The following PLA2G5 variants were observed in gnomAD, a reference collection of about 807,000 sequenced individuals.
PLA2G5 encodes the protein phospholipase A2 group V.
A neutral mutation model predicts 15.9 loss-of-function variants in PLA2G5; 12 were observed. That is an observed-to-expected ratio of 0.76 (90% confidence interval 0.48 to 1.23). The LOEUF (loss-of-function observed/expected upper bound fraction) is 1.23, where lower values mean the gene tolerates loss of function less well. Among genes scored for constraint, PLA2G5 ranks in the 50% most tolerant of loss-of-function variants. The pLI is 0.00. For synonymous variants in PLA2G5, 71 were observed against 71.4 expected (o/e 0.99, Z 0.03); for missense variants, 169 against 177.1 (o/e 0.95, Z 0.26).
chr1:20,087,951 C>T (rs1367495700), intron 3 of PLA2G5, among the ~76,000 whole-genome samples: 1 of 152,154 alleles, frequency 6.6e-6, no homozygotes, highest in Non-Finnish European at 1.5e-5. Flanking sequence ...AAAAGAAAAT[C>T]AGACAAATCC....
At chr1:20,079,643 G>A (rs2015897249) in intron 1 of PLA2G5, among the ~76,000 whole-genome samples, 3 of 152,152 alleles carry the variant, frequency 2.0e-5, no homozygotes, top group South Asian at 4.1e-4. Context: ...CCCAGGGTGA[G>A]CCATTGTGCC....
intron 2 of PLA2G5, among the ~76,000 whole-genome samples, chr1:20,061,025 G>A (rs943928670): frequency 6.6e-6 from 1 of 152,218 alleles, no homozygotes; most frequent in Admixed American, 6.5e-5. Flanking sequence ...CCTAGAGCAA[G>A]TCTTTTGTTG....
rs575798793 is a variant in PLA2G5 at position 20,083,766 on chromosome 1, C to T, written c.-10-1055C>T. On this transcript the variant is annotated intron_variant, in intron 1 of 4. Coordinates refer to ENST00000375108, the MANE Select transcript of PLA2G5 (RefSeq NM_000929.3). ...TGGTGCAGTGAGGGGTGCAGAAGGA[C>T]GCGGCTCGAATCCAGCCTCCACTGC... Among the ~76,000 whole-genome samples the T allele has an allele frequency of 6.6e-5, 10 of 151,802 alleles. No homozygotes were observed. In the South Asian group the frequency reaches 1.2e-3, roughly 19 times the overall value.
intron 1 of PLA2G5, among the ~76,000 whole-genome samples, chr1:20,053,575 G>GGGT (rs1553172800): frequency 7.0e-6 from 1 of 143,006 alleles, no homozygotes; most frequent in Non-Finnish European, 1.5e-5. Context: ...CTTTGCGGGG[G>GGGT]GGGGGGTGAT....
chr1:20,082,994 G>A (rs185550017), intron 1 of PLA2G5, among the ~76,000 whole-genome samples: 2 of 152,092 alleles, frequency 1.3e-5, no homozygotes, highest in East Asian at 1.9e-4. Context: ...GACAGACACC[G>A]GGCCTGCCAA....
upstream of PLA2G5, among the ~76,000 whole-genome samples, chr1:20,067,459 G>C (rs982755566): frequency 2.0e-5 from 3 of 151,120 alleles, no homozygotes; most frequent in Non-Finnish European, 4.4e-5. Flanking sequence ...AGGCCGAGGC[G>C]GGCAGCTTGC....
At chr1:20,029,180 G>A (rs1410745812) in intron 1 of PLA2G5, among the ~76,000 whole-genome samples, 1 of 152,172 alleles carries the variant, frequency 6.6e-6, no homozygotes, top group Non-Finnish European at 1.5e-5. Context: ...GTGGAAACCA[G>A]AAGGGAGATG....
At chr1:20,035,335 G>A (rs751659015) in intron 1 of PLA2G5, among the ~76,000 whole-genome samples, 1 of 152,138 alleles carries the variant, frequency 6.6e-6, no homozygotes, top group Non-Finnish European at 1.5e-5. Context: ...TGTTGATAAC[G>A]TGTTCCCAGG....
chr1:20,070,190 A>G, upstream of PLA2G5: 2 of 985,406 alleles, frequency 2.0e-6, no homozygotes, highest in Non-Finnish European at 2.4e-6. Context: ...GCCTCTGCAA[A>G]GGCAGTCGGG....
At position 20,049,682 on chromosome 1, in the gene PLA2G5, G is replaced by C. The variant is rs551843919; in HGVS notation, n.277-9950G>C. ...CTGCCATGTCCCTTTGCTCTTCCTT[G>C]GTCTTCTGCCATGATTGTGAGGCCT... On this transcript the variant is annotated intron_variant and non_coding_transcript_variant, in intron 1 of 6. Coordinates refer to the PLA2G5 transcript ENST00000460175. Among the ~76,000 whole-genome samples, 74 of 152,180 alleles carry C rather than the reference G, an allele frequency of 4.9e-4. 2 individuals are homozygous for C. Among genetic ancestry groups the C allele is most frequent in the Middle Eastern group, 3.4e-3 (1 of 294 alleles).
rs566820142 is a variant in PLA2G5, at chr1:20,042,708, C to A, written n.276+13999C>A. Among the ~76,000 whole-genome samples, 43 of 152,120 alleles carry A rather than the reference C, an allele frequency of 2.8e-4. 1 individual carries two copies. The highest frequency in any genetic ancestry group is 1.0e-3 in the African/African-American group (42 of 41,498). ...GGTATCCAAAGGTGAAAGTACCTGA[C>A]CATGCCTAGGAAGGAAAGCAGCTGT... is the stretch of plus-strand genomic sequence containing the variant. On this transcript the variant is annotated intron_variant and non_coding_transcript_variant, in intron 1 of 6. Coordinates refer to the PLA2G5 transcript ENST00000460175.
rs1411060589 is a variant in PLA2G5, at chr1:20,090,820, C to A, written c.*128C>A. ...GACCTCAGTCTTTCTCGAAGCTTGG[C>A]GGACCCCCAGGGCCACACTGTACCC... On this transcript the variant is annotated 3_prime_UTR_variant, in exon 5 of 5. Coordinates refer to ENST00000375108, the MANE Select transcript of PLA2G5 (RefSeq NM_000929.3). The A allele has an allele frequency of 3.0e-6, 3 of 995,326 alleles. No individual in the cohort carries two copies. The highest frequency in any genetic ancestry group is 4.6e-6 in the Non-Finnish European group (3 of 650,606). 61.7% of individuals were successfully genotyped at this position (995,326 alleles called of 1,614,324 possible).
At chr1:20,067,993 C>G (rs954164156), upstream of PLA2G5, among the ~76,000 whole-genome samples, 20 of 152,096 alleles carry the variant, frequency 1.3e-4, no homozygotes, top group African/African-American at 4.8e-4. Flanking sequence ...GTGACAGGCC[C>G]CCGTAATCCC....
intron 1 of PLA2G5, among the ~76,000 whole-genome samples, chr1:20,057,581 G>C (rs666059): frequency 0.49 from 74,902 of 151,828 alleles, 19,672 homozygotes; most frequent in African/African-American, 0.67. Flanking sequence ...TCACTGCAAC[G>C]TCCACCTCCT....
upstream of PLA2G5, among the ~76,000 whole-genome samples, chr1:20,069,527 G>A (rs1030497626): frequency 5.9e-5 from 9 of 152,058 alleles, no homozygotes; most frequent in African/African-American, 2.2e-4. Flanking sequence ...CAAAAAATTA[G>A]CCAGGCATGG....
intron 1 of PLA2G5, among the ~76,000 whole-genome samples, chr1:20,081,410 G>A (rs533840754): frequency 3.3e-5 from 5 of 151,692 alleles, no homozygotes; most frequent in African/African-American, 1.2e-4. Flanking sequence ...CCATTGAAAA[G>A]ATAGCTTGTT....
At chr1:20,032,402 A>G (rs1484913142) in intron 1 of PLA2G5, among the ~76,000 whole-genome samples, 1 of 151,898 alleles carries the variant, frequency 6.6e-6, no homozygotes, top group Non-Finnish European at 1.5e-5. Context: ...CATCCAGAGA[A>G]TGTATCTATT....
chr1:20,032,866 A>T (rs1417017519), intron 1 of PLA2G5, among the ~76,000 whole-genome samples: 1 of 152,132 alleles, frequency 6.6e-6, no homozygotes, highest in East Asian at 1.9e-4. Flanking sequence ...TTTGCTAAGA[A>T]GTTTTCATTG....
chr1:20,070,270 A>G lies in PLA2G5; in HGVS notation c.-206A>G. The G allele has an allele frequency of 1.0e-6, 1 of 985,464 alleles. No homozygotes were observed. The highest frequency in any genetic ancestry group is 1.2e-6 in the Non-Finnish European group (1 of 829,974). The allele number at this position is 985,464 out of a possible 1,614,324, so 61.0% of individuals were successfully genotyped here. On this transcript the variant is annotated 5_prime_UTR_variant, in exon 1 of 5. Transcript: ENST00000375108. The stretch of plus-strand genomic sequence containing the variant: ...CCTCCCCACCTCCGGGTTTGTCCTC[A>G]TCATCGGTCACTCCCATTCACAGCT...
Sources: gnomAD v4.1 joint callset for allele counts (sites outside exome capture counted in the v4.1 genomes callset) on GRCh38, gnomAD v4.1.1 for gene constraint, MANE v1.5 for transcripts, NCBI Gene and HGNC (gene_info 2026-07-23, HGNC 2026-07-21) for gene names.